IMMP2L: variants seen among roughly 807,000 people sequenced by gnomAD.
IMMP2L encodes the protein inner mitochondrial membrane peptidase subunit 2, also known as mitochondrial inner membrane protease subunit 2.
In IMMP2L, 18 loss-of-function variants were observed where a neutral mutation model predicts 19.3. That is an observed-to-expected ratio of 0.93 (90% CI 0.64 to 1.38). The LOEUF is 1.38. Ranked by LOEUF, IMMP2L falls within the 40% of genes most tolerant of loss-of-function variation. The pLI, the probability that IMMP2L is intolerant of heterozygous loss-of-function variation, is 0.00. For missense variants in IMMP2L, 233 were observed against 218.2 expected (o/e 1.07, Z -0.43); for synonymous variants, 76 against 73.0 (o/e 1.04, Z -0.21).
At chr7:111,136,318 G>A (rs564445760) in intron 3 of IMMP2L, among the ~76,000 whole-genome samples, 7 of 152,132 alleles carry the variant, frequency 4.6e-5, no homozygotes, top group Admixed American at 6.5e-5. Flanking sequence ...GAGCCACTGC[G>A]CCCAGCCACC....
intron 3 of IMMP2L, among the ~76,000 whole-genome samples, chr7:111,158,147 C>T (rs1048190230): frequency 2.6e-5 from 4 of 151,462 alleles, no homozygotes; most frequent in African/African-American, 9.7e-5. Context: ...TTTTATTATT[C>T]CAGAAGCAAA....
intron 3 of IMMP2L, among the ~76,000 whole-genome samples, chr7:110,991,341 T>A (rs144412768): frequency 6.6e-6 from 1 of 152,144 alleles, no homozygotes; most frequent in South Asian, 2.1e-4. Context: ...ATGTTCAACA[T>A]TGAAAAAATG....
At chr7:111,534,837 T>C (rs917569053) in intron 1 of IMMP2L, among the ~76,000 whole-genome samples, 1 of 152,146 alleles carries the variant, frequency 6.6e-6, no homozygotes, top group East Asian at 1.9e-4. Flanking sequence ...AGGCTGAGCA[T>C]ACCAACGAAG....
chr7:111,150,868 T>G (rs1034059564), intron 3 of IMMP2L, among the ~76,000 whole-genome samples: 6 of 152,226 alleles, frequency 3.9e-5, no homozygotes, highest in Non-Finnish European at 7.3e-5. Context: ...CTTTTCTGCA[T>G]GGCTTCCATA....
At chr7:111,122,642 T>A (rs1309086805) in intron 3 of IMMP2L, 1 of 705,774 alleles carries the variant, frequency 1.4e-6, no homozygotes, top group African/African-American at 1.8e-5. Flanking sequence ...GAAGAAAAAC[T>A]TTGTGGTTCT....
chr7:110,849,642 G>A (rs1273867235), intron 5 of IMMP2L, among the ~76,000 whole-genome samples: 1 of 152,042 alleles, frequency 6.6e-6, no homozygotes, highest in Non-Finnish European at 1.5e-5. Flanking sequence ...TAGAATAAGT[G>A]ACAGAAATCA....
At chr7:111,466,204 T>G (rs1364274514) in intron 3 of IMMP2L, among the ~76,000 whole-genome samples, 1 of 152,068 alleles carries the variant, frequency 6.6e-6, no homozygotes, top group Non-Finnish European at 1.5e-5. Context: ...AGGGATAGCA[T>G]TAGGAGATAC....
intron 3 of IMMP2L, among the ~76,000 whole-genome samples, chr7:111,464,986 G>A (rs1440488126): frequency 6.6e-6 from 1 of 152,052 alleles, no homozygotes; most frequent in Non-Finnish European, 1.5e-5. Context: ...TAGAGACAAG[G>A]TTTCACCGTG....
At chr7:110,719,407 C>A (rs1256284427) in intron 5 of IMMP2L, among the ~76,000 whole-genome samples, 1 of 152,000 alleles carries the variant, frequency 6.6e-6, no homozygotes, top group African/African-American at 2.4e-5. Flanking sequence ...TCATGTAATA[C>A]ACAACCAAGG....
chr7:111,343,231 GC>G (rs989931760), intron 3 of IMMP2L, among the ~76,000 whole-genome samples: 1 of 151,770 alleles, frequency 6.6e-6, no homozygotes, highest in African/African-American at 2.4e-5. Flanking sequence ...ATCATAAATG[GC>G]CCCCTGTCTA....
intron 4 of IMMP2L, among the ~76,000 whole-genome samples, chr7:110,931,341 T>C (rs1034610564): frequency 3.9e-5 from 6 of 152,212 alleles, no homozygotes; most frequent in Non-Finnish European, 8.8e-5. Flanking sequence ...CTCTTCTTCA[T>C]TGAGTATAGT....
chr7:111,344,036 C>T (rs1332987207), intron 3 of IMMP2L, among the ~76,000 whole-genome samples: 2 of 152,078 alleles, frequency 1.3e-5, no homozygotes, highest in African/African-American at 2.4e-5. Context: ...TTTTTCTATA[C>T]TCACAGTAAT....
intron 3 of IMMP2L, among the ~76,000 whole-genome samples, chr7:111,362,411 T>A (rs541819967): frequency 1.3e-4 from 20 of 152,202 alleles, no homozygotes; most frequent in African/African-American, 3.8e-4. Context: ...TTTTCTTTTT[T>A]AAAATAGTTT....
intron 3 of IMMP2L, among the ~76,000 whole-genome samples, chr7:111,100,190 T>TCTAA (rs1334247064): frequency 6.6e-6 from 1 of 151,536 alleles, no homozygotes; most frequent in Non-Finnish European, 1.5e-5. Context: ...CATGAATAAA[T>TCTAA]TATTTAGAGG....
chr7:110,973,315 C>T lies in IMMP2L; in HGVS notation c.240-9750G>A, dbSNP rs1459724736. On this transcript the variant is annotated intron_variant, in intron 3 of 5. Transcript: ENST00000405709. ...TATAATTTTTAGTTGTCGGTCATAC[C>T]TTAATAAATCTGGGGAAAAATTCCT... Among the ~76,000 whole-genome samples the T allele has an allele frequency of 5.3e-5, 8 of 151,942 alleles. 1 individual carries two copies. The East Asian group carries it at 1.5e-3, about 29-fold the overall frequency.
intron 3 of IMMP2L, among the ~76,000 whole-genome samples, chr7:111,134,959 A>T (rs1802196475): frequency 6.6e-6 from 1 of 152,108 alleles, no homozygotes; most frequent in Non-Finnish European, 1.5e-5. Flanking sequence ...AGCCTCTTAA[A>T]CAAAATATTT....
intron 3 of IMMP2L, among the ~76,000 whole-genome samples, chr7:111,486,401 A>T (rs1585305245): frequency 6.6e-6 from 1 of 152,158 alleles, no homozygotes; most frequent in African/African-American, 2.4e-5. Flanking sequence ...CAGAAATACA[A>T]ATGGGAAAAG....
At chr7:111,529,594 AAG>A (rs1715377541) in intron 1 of IMMP2L, among the ~76,000 whole-genome samples, 1 of 152,170 alleles carries the variant, frequency 6.6e-6, no homozygotes, top group Non-Finnish European at 1.5e-5. Context: ...ATAAGAAAGA[AAG>A]AGGAAAACCA....
chr7:111,076,750 T>C (rs985220662), intron 3 of IMMP2L, among the ~76,000 whole-genome samples: 4 of 152,106 alleles, frequency 2.6e-5, no homozygotes. Flanking sequence ...TTACCAGAGA[T>C]GGGGGCAATG....
Sources: allele counts gnomAD v4.1 joint callset (sites outside exome capture counted in the v4.1 genomes callset), GRCh38; gene constraint gnomAD v4.1.1; transcripts MANE v1.5; gene names NCBI Gene and HGNC (gene_info 2026-07-23, HGNC 2026-07-21).